The following PODN variants were observed in gnomAD, a reference collection of about 807,000 sequenced individuals.
PODN encodes podocan, also known as podocan proteoglycan.
PODN carries 40 observed loss-of-function variants against 52.7 expected under a neutral mutation model. That is an observed-to-expected ratio of 0.76 (90% CI 0.59 to 0.99). The LOEUF is 0.99. Ranked by LOEUF, PODN falls within the 50% of genes least tolerant of loss-of-function variation. The pLI is 0.00. For missense variants in PODN, 720 were observed against 815.1 expected, an observed-to-expected ratio of 0.88 and a Z score of 1.42; for synonymous variants, 396 against 377.9, an observed-to-expected ratio of 1.05 and a Z score of -0.56.
chr1:53,074,612 C>T lies in PODN; in HGVS notation c.413C>T (p.Pro138Leu). ...CGATGCCTGTCCTTTGAAGGGCTCC[C>T]AGAGAAGGCGTTTGAGCATCTGACC... ...QNNRLTSRGLPEKAFEHLTNL... is the reference protein window; with the variant it reads ...QNNRLTSRGLLEKAFEHLTNL... Residue 138 changes from proline (P) to leucine (L), a missense_variant, in exon 4 of 11, where the codon CCA becomes CTA. Coordinates refer to ENST00000312553, the MANE Select transcript of PODN (RefSeq NM_153703.5). 6 of 1,614,056 alleles carry T rather than the reference C, an allele frequency of 3.7e-6. No individual in the cohort carries two copies. Among genetic ancestry groups the T allele is most frequent in the Non-Finnish European group, 3.4e-6 (4 of 1,180,032 alleles).
Position 53,077,240 on chromosome 1 carries a change from A to G in PODN, c.632A>G (p.Asn211Ser), listed in dbSNP as rs1325208915. 1 of 1,613,388 alleles carries G rather than the reference A, an allele frequency of 6.2e-7. No homozygotes were observed. Among genetic ancestry groups the G allele is most frequent in the Non-Finnish European group, 8.5e-7 (1 of 1,180,030 alleles). Residue 211 changes from asparagine to serine, a missense_variant, in exon 6 of 11, where the codon AAC becomes AGC. Coordinates refer to ENST00000312553, the MANE Select transcript of PODN (RefSeq NM_153703.5). ...CTGGCAGACGCCGGGCTGCCGGACAACATGTTCAACGGCTCCAGCAACGTC... is the reference window on the plus strand; with the variant it reads ...CTGGCAGACGCCGGGCTGCCGGACAGCATGTTCAACGGCTCCAGCAACGTC... ...NKLADAGLPD[N>S]MFNGSSNVEV...
chr1:53,078,020 G>A (rs943557015), intron 7 of PODN, among the ~76,000 whole-genome samples: 19 of 152,224 alleles, frequency 1.2e-4, no homozygotes, highest in Non-Finnish European at 2.4e-4. Flanking sequence ...GCAAAGAAGC[G>A]TTGGTGGAGG....
rs1644210617 is a variant in PODN at position 53,077,364 on chromosome 1, A to G, written c.738+18A>G. On this transcript the variant is annotated intron_variant, in intron 6 of 10. Coordinates refer to ENST00000312553, the MANE Select transcript of PODN (RefSeq NM_153703.5). ...ACCTCAAGGTGGGCAGGGGAGGGGT[A>G]AGGAGGGGCACAGCAGACCCCACAG... 6.2e-7 allele frequency: 1 copy of G among 1,612,118 alleles called. No individual in the cohort carries two copies. Among genetic ancestry groups the G allele is most frequent in the Non-Finnish European group, 8.5e-7 (1 of 1,179,522 alleles).
At chr1:53,076,808 G>GT (rs1020160397) in intron 5 of PODN, among the ~76,000 whole-genome samples, 1 of 152,208 alleles carries the variant, frequency 6.6e-6, no homozygotes, top group African/African-American at 2.4e-5. Context: ...TAGGCCCTGT[G>GT]TTTAGGAAGT....
At chr1:53,068,799 G>C (rs1175754260) in intron 1 of PODN, among the ~76,000 whole-genome samples, 1 of 151,998 alleles carries the variant, frequency 6.6e-6, no homozygotes, top group Non-Finnish European at 1.5e-5. Context: ...CCTACGCCAC[G>C]GGACTGCTGG....
chr1:53,062,405 C>A, intron 1 of PODN, 97 bp downstream of exon 1: 1 of 947,576 alleles, frequency 1.1e-6, no homozygotes, highest in Non-Finnish European at 1.4e-6. Context: ...GCTCCAGCAG[C>A]TGCCTGGGGC....
intron 6 of PODN, 106 bp downstream of exon 6, chr1:53,077,452 C>T: frequency 6.7e-7 from 1 of 1,501,282 alleles, no homozygotes; most frequent in South Asian, 1.3e-5. Context: ...ACAGGTGCTG[C>T]CCAAGTGGGG....
intron 1 of PODN, among the ~76,000 whole-genome samples, chr1:53,064,865 C>T (rs2150290420): frequency 6.6e-6 from 1 of 152,306 alleles, no homozygotes; most frequent in Non-Finnish European, 1.5e-5. Flanking sequence ...AGAATTGGAA[C>T]CCATGCCCTT....
In PODN at chr1:53,078,387, C is replaced by A. The variant is rs1557655661; in HGVS notation, c.877C>A (p.Leu293Met). 6.2e-7 allele frequency: 1 copy of A among 1,612,996 alleles called. No individual in the cohort carries two copies. The highest frequency in any genetic ancestry group is 8.5e-7 in the Non-Finnish European group (1 of 1,179,524). Reference sequence around the variant, plus strand: ...CAGGAAGCTCTCCAGCCTGGAGTACCTGGATCTGTCCAGCAACAACCTGTC... The same window carrying A: ...CAGGAAGCTCTCCAGCCTGGAGTACATGGATCTGTCCAGCAACAACCTGTC... ...TFWKLSSLEY[L>M]DLSSNNLSRV... The change falls in exon 8 of 11, where the codon CTG becomes ATG. Residue 293 changes from leucine (L) to methionine (M), a missense_variant. Leu to Met is a conservative substitution (Grantham distance 15). Transcript: ENST00000312553.
intron 10 of PODN, among the ~76,000 whole-genome samples, chr1:53,083,056 C>T (rs776581870): frequency 6.6e-6 from 1 of 152,170 alleles, no homozygotes; most frequent in Non-Finnish European, 1.5e-5. Flanking sequence ...AGGGAGCTGA[C>T]CACTGCGGAG....
At chr1:53,079,168 T>G (rs1644248190) in intron 8 of PODN, 146 bp downstream of exon 8, 1 of 1,160,238 alleles carries the variant, frequency 8.6e-7, no homozygotes, top group Admixed American at 2.9e-5. Context: ...TCATTCACCT[T>G]CAGGTATCTG....
At chr1:53,082,555 G>C (rs1375621796) in intron 10 of PODN, among the ~76,000 whole-genome samples, 2 of 152,160 alleles carry the variant, frequency 1.3e-5, no homozygotes, top group African/African-American at 4.8e-5. Flanking sequence ...TGCCATGGGA[G>C]AGTGAGTGAG....
chr1:53,063,938 C>T (rs2150289721), intron 1 of PODN, among the ~76,000 whole-genome samples: 1 of 152,254 alleles, frequency 6.6e-6, no homozygotes, highest in African/African-American at 2.4e-5. Flanking sequence ...ACACACGTCC[C>T]TCTCCTCTAG....
chr1:53,068,833 T>C (rs1483002511), intron 1 of PODN, among the ~76,000 whole-genome samples: 1 of 152,046 alleles, frequency 6.6e-6, no homozygotes, highest in Non-Finnish European at 1.5e-5. Flanking sequence ...TTCAGCATCT[T>C]CCTCTATGGG....
rs765216760 is a variant in PODN at position 53,075,858 on chromosome 1, C to T, written c.472-4C>T. The T allele has an allele frequency of 2.5e-6, 4 of 1,589,308 alleles. No homozygotes were observed. The highest frequency in any genetic ancestry group is 3.4e-6 in the Non-Finnish European group (4 of 1,165,390). ...TCTTTCGGCCCCAACTCTTCCCTTC[C>T]CAGCTGACCTTGGCACCCCGCTTCC... is the stretch of plus-strand genomic sequence containing the variant. On this transcript the variant is annotated splice_polypyrimidine_tract_variant and splice_region_variant and intron_variant, in intron 4 of 10. Coordinates refer to ENST00000312553, the MANE Select transcript of PODN (RefSeq NM_153703.5).
rs748909092 is a variant in PODN at position 53,069,882 on chromosome 1, CCTG to C, written c.38_40del (p.Leu13del). ...TGGCCCAGAGCCGGGTGCTGCTGCT[CCTG>C]CTGCTGCTGCCGCCACAGCTGCACC... On this transcript the variant is annotated inframe_deletion, in exon 2 of 11. Transcript: ENST00000312553. The C allele has an allele frequency of 1.2e-5, 19 of 1,566,964 alleles. No individual in the cohort carries two copies. Among genetic ancestry groups the C allele is most frequent in the Middle Eastern group, 1.8e-4 (1 of 5,534 alleles).
chr1:53,085,097 CCCATCCTATGGGG>C lies in PODN; in HGVS notation c.*613_*625del, dbSNP rs1280801076. On this transcript the variant is annotated 3_prime_UTR_variant, in exon 11 of 11. Coordinates refer to ENST00000312553, the MANE Select transcript of PODN (RefSeq NM_153703.5). ...CACAAAAGCTGGCTTTTATTCCTTT[CCCATCCTATGGGG>C]ACAGGAGCCTTCAGGACTGCTGGCC... 6.6e-6 allele frequency: 1 copy of C among 152,322 alleles called. No homozygotes were observed. The highest frequency in any genetic ancestry group is 2.4e-5 in the African/African-American group (1 of 41,460). The allele number at this position is 152,322 out of a possible 1,614,324, so 9.4% of individuals were successfully genotyped here.
In PODN at chr1:53,071,552, G is replaced by T; in HGVS notation, c.330G>T (p.Lys110Asn). 6.2e-7 allele frequency: 1 copy of T among 1,613,908 alleles called. No homozygotes were observed. The highest frequency in any genetic ancestry group is 1.1e-5 in the South Asian group (1 of 91,042). The change falls in exon 3 of 11, where the codon AAG (lysine) becomes AAT (asparagine). Residue 110 changes from lysine (K) to asparagine (N), a missense_variant. Lys to Asn is a moderately conservative substitution (Grantham distance 94). Transcript: ENST00000312553. ...CCCCCTAGAACAACCAGCTGGAAAA[G>T]ATCTACCCTGAGGAGCTCTCCCGGC... ...HLSLQNNQLE[K>N]IYPEELSRLH...
At chr1:53,071,763 AG>A in intron 3 of PODN, 135 bp downstream of exon 3, 1 of 843,262 alleles carries the variant, frequency 1.2e-6, no homozygotes, top group Non-Finnish European at 1.8e-6. Flanking sequence ...GGCCCGGGCC[AG>A]GCTAGCAGTG....
Sources: gnomAD v4.1 joint callset for allele counts (sites outside exome capture counted in the v4.1 genomes callset) on GRCh38, gnomAD v4.1.1 for gene constraint, MANE v1.5 for transcripts, NCBI Gene and HGNC (gene_info 2026-07-23, HGNC 2026-07-21) for gene names.